Variants in RASGRF2 observed in about 807,000 individuals in gnomAD.
The protein encoded by RASGRF2 is ras-specific guanine nucleotide-releasing factor 2.
A neutral mutation model predicts 151.0 loss-of-function variants in RASGRF2; 76 were observed. The ratio of observed to expected loss-of-function variants is 0.50; its 90% CI spans 0.42 to 0.61. The LOEUF (loss-of-function observed/expected upper bound fraction) is 0.61, where lower values mean the gene tolerates loss of function less well. Among genes scored for constraint, RASGRF2 ranks in the 20% least tolerant of loss-of-function variants. RASGRF2 has a pLI of 0.00. For synonymous variants in RASGRF2, 504 were observed against 566.5 expected (o/e 0.89, Z 1.57); for missense variants, 1,148 against 1,564.6 (o/e 0.73, Z 4.49).
chr5:81,016,388 A>G (rs1011410576), intron 1 of RASGRF2, among the ~76,000 whole-genome samples: 1 of 152,200 alleles, frequency 6.6e-6, no homozygotes, highest in African/African-American at 2.4e-5. Flanking sequence ...CCAGATTTTT[A>G]TGATAGGCTC....
At chr5:81,070,680 T>C (rs1469192693) in intron 4 of RASGRF2, 99 bp downstream of exon 4, 2 of 1,019,944 alleles carry the variant, frequency 2.0e-6, no homozygotes, top group East Asian at 5.1e-5. Flanking sequence ...GGGAGCAGCC[T>C]TGGTGTTTCT....
chr5:80,994,765 C>CAGTGGAT (rs1257221837), intron 1 of RASGRF2, among the ~76,000 whole-genome samples: 11 of 152,194 alleles, frequency 7.2e-5, no homozygotes, highest in African/African-American at 2.4e-4. Context: ...TGGGTATGTA[C>CAGTGGAT]TCTCGAGGGA....
intron 22 of RASGRF2, 67 bp from the exon 23 acceptor site, chr5:81,212,299 C>A: frequency 8.5e-7 from 1 of 1,178,634 alleles, no homozygotes; most frequent in Non-Finnish European, 1.2e-6. Context: ...AGATAATTTA[C>A]ATATTTTGCC....
At chr5:81,121,541 C>T (rs61371420) in intron 15 of RASGRF2, among the ~76,000 whole-genome samples, 3,088 of 152,118 alleles carry the variant, frequency 0.02, 106 homozygotes, top group African/African-American at 0.07. Flanking sequence ...GAGAAAGAAG[C>T]GAAATAGGAA....
chr5:81,174,123 G>T (rs1394239661), intron 17 of RASGRF2, among the ~76,000 whole-genome samples: 1 of 152,170 alleles, frequency 6.6e-6, no homozygotes, highest in African/African-American at 2.4e-5. Flanking sequence ...AGAATTTATT[G>T]ACTGAATGAG....
intron 15 of RASGRF2, among the ~76,000 whole-genome samples, chr5:81,121,584 A>G (rs1753309143): frequency 6.6e-6 from 1 of 152,252 alleles, no homozygotes; most frequent in Non-Finnish European, 1.5e-5. Context: ...CAATGAACTT[A>G]GGGAAAAAAT....
chr5:81,126,861 C>T (rs181018216), intron 16 of RASGRF2, among the ~76,000 whole-genome samples: 7 of 152,234 alleles, frequency 4.6e-5, no homozygotes, highest in Admixed American at 3.9e-4. Flanking sequence ...TTCATGTACA[C>T]GTTTGTGTGT....
At position 80,964,892 on chromosome 5, in the gene RASGRF2, C is replaced by T. The variant is rs190889547; in HGVS notation, c.288+3866C>T. Among the ~76,000 whole-genome samples the T allele has an allele frequency of 8.5e-5, 13 of 152,158 alleles. No homozygotes were observed. In the East Asian group the frequency reaches 2.5e-3, roughly 29 times the overall value. On this transcript the variant is annotated intron_variant, in intron 1 of 26. Transcript: ENST00000265080. ...AAGTACACATCCCAGTTAGTCTGCT[C>T]TGTTTCAGTGGCAGTATCTGTCTTG... is the stretch of plus-strand genomic sequence containing the variant.
At chr5:81,158,007 G>C (rs1396614420) in intron 17 of RASGRF2, among the ~76,000 whole-genome samples, 1 of 152,164 alleles carries the variant, frequency 6.6e-6, no homozygotes, top group Non-Finnish European at 1.5e-5. Flanking sequence ...ACCTCAGCTA[G>C]CTTTGTTTTT....
At chr5:81,022,149 C>T (rs1749851129) in intron 1 of RASGRF2, among the ~76,000 whole-genome samples, 2 of 152,158 alleles carry the variant, frequency 1.3e-5, no homozygotes, top group South Asian at 4.1e-4. Flanking sequence ...GACTCTCCCT[C>T]AGTAGCTGCA....
Position 81,137,960 on chromosome 5 carries a change from T to C in RASGRF2, c.2686+10797T>C, listed in dbSNP as rs1753792563. Among the ~76,000 whole-genome samples, 4 of 152,344 alleles carry C rather than the reference T, an allele frequency of 2.6e-5. 1 individual carries two copies. The South Asian group carries it at 8.3e-4, about 32-fold the overall frequency. ...AATGATAGGCCTTGAAGTGTGAAGA[T>C]TTATGTTATCTGGCTAGAATTTGGG... On this transcript the variant is annotated intron_variant, in intron 17 of 26. Transcript: ENST00000265080.
At chr5:81,148,736 A>T (rs1274408369) in intron 17 of RASGRF2, among the ~76,000 whole-genome samples, 1 of 151,824 alleles carries the variant, frequency 6.6e-6, no homozygotes, top group African/African-American at 2.4e-5. Context: ...TGACGAGTTA[A>T]TGGGTGCAGC....
chr5:81,206,198 C>G (rs1397867983), intron 19 of RASGRF2, among the ~76,000 whole-genome samples: 2 of 152,048 alleles, frequency 1.3e-5, no homozygotes, highest in East Asian at 3.8e-4. Flanking sequence ...TTCACTCATT[C>G]ATTCATTCAT....
intron 2 of RASGRF2, among the ~76,000 whole-genome samples, chr5:81,064,965 C>G (rs1751555243): frequency 6.6e-6 from 1 of 152,074 alleles, no homozygotes; most frequent in Non-Finnish European, 1.5e-5. Context: ...GATGAAAGAC[C>G]TTACAGAGCA....
intron 9 of RASGRF2, chr5:81,087,523 G>A: frequency 3.4e-6 from 2 of 594,982 alleles, no homozygotes; most frequent in Non-Finnish European, 3.0e-6. Context: ...TTTGCGAAGT[G>A]TGCTTTGGGG....
chr5:81,218,881 T>C (rs1218567036), intron 25 of RASGRF2, among the ~76,000 whole-genome samples: 2 of 152,174 alleles, frequency 1.3e-5, no homozygotes, highest in Non-Finnish European at 2.9e-5. Flanking sequence ...CTTTCAGCAG[T>C]GTTTTGTAAT....
At chr5:80,990,741 A>G (rs1384664019) in intron 1 of RASGRF2, among the ~76,000 whole-genome samples, 1 of 152,132 alleles carries the variant, frequency 6.6e-6, no homozygotes, top group African/African-American at 2.4e-5. Context: ...TGTGGTTTCT[A>G]AACTCCAGTG....
intron 22 of RASGRF2, among the ~76,000 whole-genome samples, chr5:81,211,167 C>T (rs1008799912): frequency 3.4e-5 from 5 of 149,008 alleles, no homozygotes; most frequent in Admixed American, 1.3e-4. Context: ...AAAAAAGACT[C>T]AGTGCAGGCG....
At chr5:81,155,030 A>T (rs1394031579) in intron 17 of RASGRF2, among the ~76,000 whole-genome samples, 1 of 152,136 alleles carries the variant, frequency 6.6e-6, no homozygotes, top group Non-Finnish European at 1.5e-5. Flanking sequence ...TTTGCTGATG[A>T]TTAGTGATAT....
Sources: gnomAD v4.1 joint callset for allele counts (sites outside exome capture counted in the v4.1 genomes callset) on GRCh38, gnomAD v4.1.1 for gene constraint, MANE v1.5 for transcripts, NCBI Gene and HGNC (gene_info 2026-07-23, HGNC 2026-07-21) for gene names.